The following TRIP12 variants were observed in gnomAD, a reference collection of about 807,000 sequenced individuals.
TRIP12 encodes the protein E3 ubiquitin-protein ligase TRIP12.
A neutral mutation model predicts 244.2 loss-of-function variants in TRIP12; 25 were observed. The observed-to-expected ratio is 0.10, with a 90% CI of 0.07 to 0.14. TRIP12 has a LOEUF of 0.14. Among genes scored for constraint, TRIP12 ranks in the 10% least tolerant of loss-of-function variants. TRIP12 has a pLI of 1.00. For synonymous variants in TRIP12, 905 were observed against 873.1 expected (o/e 1.04, Z -0.64); for missense variants, 1,677 against 2,486.4 (o/e 0.67, Z 6.92).
chr2:229,783,218 C>T (rs1246111366), intron 34 of TRIP12, among the ~76,000 whole-genome samples: 1 of 152,202 alleles, frequency 6.6e-6, no homozygotes, highest in East Asian at 1.9e-4. Context: ...GTGAAAATCA[C>T]ATGAACTTTA....
intron 1 of TRIP12, among the ~76,000 whole-genome samples, chr2:229,906,748 T>G (rs1318835844): frequency 7.0e-6 from 1 of 142,658 alleles, no homozygotes; most frequent in Non-Finnish European, 1.5e-5. Flanking sequence ...GAAAAAAAAA[T>G]AAGAAATTTA....
chr2:229,772,430 G>C (rs1249114780), intron 38 of TRIP12, among the ~76,000 whole-genome samples: 1 of 152,172 alleles, frequency 6.6e-6, no homozygotes, highest in Non-Finnish European at 1.5e-5. Context: ...AATTACTTAT[G>C]AATCACAGAA....
chr2:229,848,118 G>A (rs2057949309), intron 4 of TRIP12, among the ~76,000 whole-genome samples: 1 of 151,976 alleles, frequency 6.6e-6, no homozygotes, highest in Non-Finnish European at 1.5e-5. Context: ...ATGATAAGAG[G>A]AAGTTTACAA....
chr2:229,827,792 G>A (rs375091781), intron 8 of TRIP12, among the ~76,000 whole-genome samples: 4 of 152,114 alleles, frequency 2.6e-5, no homozygotes, highest in Non-Finnish European at 4.4e-5. Context: ...ACAAAAATTC[G>A]TAAAGTTTCT....
At chr2:229,770,234 G>T (rs1252518522) in intron 39 of TRIP12, among the ~76,000 whole-genome samples, 3 of 152,166 alleles carry the variant, frequency 2.0e-5, no homozygotes, top group African/African-American at 7.2e-5. Context: ...CTCCCAAAGT[G>T]CTGGGATTAT....
intron 4 of TRIP12, among the ~76,000 whole-genome samples, chr2:229,857,112 T>C (rs2059722396): frequency 6.6e-6 from 1 of 152,212 alleles, no homozygotes; most frequent in Admixed American, 6.5e-5. Context: ...GCTGATTCAA[T>C]ATGAGCTATA....
chr2:229,810,372 T>C (rs972729966), intron 15 of TRIP12, among the ~76,000 whole-genome samples: 2 of 152,162 alleles, frequency 1.3e-5, no homozygotes, highest in African/African-American at 2.4e-5. Flanking sequence ...CTTTCTAAAT[T>C]TGAAAGGTTT....
At chr2:229,864,557 G>GA (rs1035804196) in intron 2 of TRIP12, among the ~76,000 whole-genome samples, 140 of 151,368 alleles carry the variant, frequency 9.2e-4, no homozygotes, top group African/African-American at 3.3e-3. Flanking sequence ...ATTTCTGCCA[G>GA]ATTTTCAACT....
intron 23 of TRIP12, 90 bp downstream of exon 23, chr2:229,798,785 C>T (rs1034766240): frequency 1.2e-5 from 17 of 1,362,248 alleles, no homozygotes; most frequent in Middle Eastern, 1.9e-4. Context: ...GTCTATGTAT[C>T]GTCTCCACAC....
At chr2:229,776,896 T>A (rs4972913) in intron 37 of TRIP12, among the ~76,000 whole-genome samples, 1 of 152,154 alleles carries the variant, frequency 6.6e-6, no homozygotes, top group East Asian at 1.9e-4. Flanking sequence ...TTGGCACTCA[T>A]GGTGACCTTT....
chr2:229,798,179 C>G (rs185926288), intron 23 of TRIP12, among the ~76,000 whole-genome samples: 9 of 152,232 alleles, frequency 5.9e-5, no homozygotes, highest in Admixed American at 2.0e-4. Flanking sequence ...TCCTGGAGAG[C>G]TGAAGTAAAG....
chr2:229,909,554 G>A (rs1280445073), intron 1 of TRIP12, among the ~76,000 whole-genome samples: 3 of 141,434 alleles, frequency 2.1e-5, no homozygotes, highest in Non-Finnish European at 4.6e-5. Context: ...TTGAGACCTT[G>A]TCTAAAAAAA....
intron 1 of TRIP12, among the ~76,000 whole-genome samples, chr2:229,882,597 A>T (rs1457282554): frequency 6.6e-6 from 1 of 152,154 alleles, no homozygotes; most frequent in East Asian, 1.9e-4. Context: ...AATCATCTCA[A>T]TGCCATTTCA....
intron 2 of TRIP12, 54 bp downstream of exon 2, chr2:229,879,928 A>C: frequency 6.3e-7 from 1 of 1,597,824 alleles, no homozygotes; most frequent in South Asian, 1.1e-5. Context: ...GGAGGCTTAA[A>C]AATATTTTTT....
chr2:229,872,104 T>TAAAAAAAAAAAAAAAAAAAAAA (rs34496202), intron 2 of TRIP12, among the ~76,000 whole-genome samples: 4 of 105,262 alleles, frequency 3.8e-5, no homozygotes, highest in African/African-American at 1.4e-4. Flanking sequence ...ACAGATATTG[T>TAAAAAAAAAAAAAAAAAAAAAA]AAAAAAAAAA....
intron 2 of TRIP12, among the ~76,000 whole-genome samples, chr2:229,866,949 A>G (rs1169685844): frequency 1.3e-5 from 2 of 152,170 alleles, no homozygotes; most frequent in South Asian, 4.1e-4. Context: ...CAAATGATAT[A>G]AATTGCCCTG....
At position 229,814,345 on chromosome 2, in the gene TRIP12, T is replaced by C; in HGVS notation, c.1732-20A>G. 4.4e-6 allele frequency: 7 copies of C among 1,605,140 alleles called. No individual in the cohort carries two copies. The highest frequency in any genetic ancestry group is 6.0e-6 in the Non-Finnish European group (7 of 1,174,754). On this transcript the variant is annotated intron_variant, in intron 11 of 41. Transcript: ENST00000675903. ...TTGCAGCTGGGAACATATATATAGTTACCATAAGGTTATCATTTAAGTTCT... is the reference window on the plus strand; with the variant it reads ...TTGCAGCTGGGAACATATATATAGTCACCATAAGGTTATCATTTAAGTTCT...
chr2:229,864,411 T>C (rs1482323653), intron 2 of TRIP12, among the ~76,000 whole-genome samples: 1 of 152,184 alleles, frequency 6.6e-6, no homozygotes, highest in Admixed American at 6.5e-5. Context: ...TAATTATTCT[T>C]GGGTAGACTT....
At chr2:229,876,206 G>GA (rs1347589996) in intron 2 of TRIP12, among the ~76,000 whole-genome samples, 1 of 152,184 alleles carries the variant, frequency 6.6e-6, no homozygotes, top group East Asian at 1.9e-4. Flanking sequence ...AACCCAGGGG[G>GA]AGGAGGTTGC....
Sources: gnomAD v4.1 joint callset for allele counts (sites outside exome capture counted in the v4.1 genomes callset) on GRCh38, gnomAD v4.1.1 for gene constraint, MANE v1.5 for transcripts, NCBI Gene and HGNC (gene_info 2026-07-23, HGNC 2026-07-21) for gene names.